The following NEURL1B variants were observed in gnomAD, a reference collection of about 807,000 sequenced individuals.
The protein encoded by NEURL1B is neuralized E3 ubiquitin protein ligase 1B, also known as E3 ubiquitin-protein ligase NEURL1B.
In NEURL1B, 13 loss-of-function variants were observed where a neutral mutation model predicts 37.4. The ratio of observed to expected loss-of-function variants is 0.35; its 90% CI spans 0.23 to 0.55. NEURL1B has a LOEUF of 0.55. Ranked by LOEUF, NEURL1B falls within the 20% of genes least tolerant of loss-of-function variation. The pLI is 0.89. For synonymous variants in NEURL1B, 432 were observed against 426.6 expected, an observed-to-expected ratio of 1.01 and a Z score of -0.16; for missense variants, 790 against 879.2, an observed-to-expected ratio of 0.90 and a Z score of 1.28.
At chr5:172,652,142 G>A (rs935453349) in intron 1 of NEURL1B, among the ~76,000 whole-genome samples, 5 of 152,382 alleles carry the variant, frequency 3.3e-5, no homozygotes, top group African/African-American at 9.6e-5. Flanking sequence ...GAGACACGAA[G>A]TGAACTTAGT....
chr5:172,666,932 A>T (rs1334553488), intron 1 of NEURL1B, among the ~76,000 whole-genome samples: 1 of 152,080 alleles, frequency 6.6e-6, no homozygotes, highest in East Asian at 1.9e-4. Flanking sequence ...CCCATCTGTA[A>T]AATGGGCTTG....
At position 172,686,202 on chromosome 5, in the gene NEURL1B, T is replaced by C. The variant is rs2113339416; in HGVS notation, c.1329T>C (p.Thr443=). The change falls in exon 4 of 5, where the codon ACT becomes ACC. Residue 443 remains threonine (T), a synonymous_variant. Transcript: ENST00000369800. This position sits in a 1 kb window ranked among gnomAD's most constrained non-coding sequence, Gnocchi z 7.9. ...GTLQSSPATT[T]PSGSLSGSQD... is the part of the protein sequence containing the mutation. Reference sequence around the variant, plus strand: ...TGCAGTCCAGCCCTGCGACCACGACTCCATCAGGGTCCCTCAGCGGCTCCC... The same window carrying C: ...TGCAGTCCAGCCCTGCGACCACGACCCCATCAGGGTCCCTCAGCGGCTCCC... 1.3e-6 allele frequency: 2 copies of C among 1,551,672 alleles called. No homozygotes were observed. The highest frequency in any genetic ancestry group is 4.9e-5 in the East Asian group (2 of 40,920).
Position 172,689,881 on chromosome 5 carries a change from A to G in NEURL1B, c.*2956A>G, listed in dbSNP as rs1185695176. 1.3e-5 allele frequency: 2 copies of G among 152,274 alleles called. No individual in the cohort carries two copies. The highest frequency in any genetic ancestry group is 2.9e-5 in the Non-Finnish European group (2 of 68,130). The allele number at this position is 152,274 out of a possible 1,614,324, so 9.4% of individuals were successfully genotyped here. On this transcript the variant is annotated 3_prime_UTR_variant, in exon 5 of 5. Coordinates refer to ENST00000369800, the MANE Select transcript of NEURL1B (RefSeq NM_001142651.3). ...CCAGGCTCATCTGCTCACTGCCCGC[A>G]TTCTCCTGGCAGAGCTGAGGTCTGA...
intron 2 of NEURL1B, among the ~76,000 whole-genome samples, chr5:172,674,846 A>C (rs112298086): frequency 6.6e-6 from 1 of 152,012 alleles, no homozygotes. Flanking sequence ...TCTTCTCCTG[A>C]CCAGGTAGGC....
At chr5:172,684,472 A>G (rs1268766948) in intron 3 of NEURL1B, among the ~76,000 whole-genome samples, 1 of 152,144 alleles carries the variant, frequency 6.6e-6, no homozygotes, top group Non-Finnish European at 1.5e-5. Context: ...CGAGCTTGGC[A>G]GGCTATATCC....
intron 1 of NEURL1B, among the ~76,000 whole-genome samples, chr5:172,659,029 TG>T (rs1757845536): frequency 2.0e-4 from 2 of 10,010 alleles, no homozygotes; most frequent in Admixed American, 8.0e-4. Flanking sequence ...CCACCACCCC[TG>T]CCCGCCCCCC....
rs1758425186 is a variant in NEURL1B, at chr5:172,683,965, G to C, written c.1124G>C (p.Gly375Ala). ...GAGTACTGGGTGGTGGCGCGCGCCG[G>C]GCCCGTGCCGAGCGGCGGCGACGCG... ...RKEYWVVARA[G>A]PVPSGGDALS... The change falls in exon 3 of 5, where the codon GGG becomes GCG. Residue 375 changes from glycine (G) to alanine (A), a missense_variant. Around this residue, in one of 3 missense-constraint regions of NEURL1B, gnomAD observed 460 missense variants for 407.4 expected, o/e 1.13. Coordinates refer to ENST00000369800, the MANE Select transcript of NEURL1B (RefSeq NM_001142651.3). This position sits in a 1 kb window ranked among gnomAD's most constrained non-coding sequence, Gnocchi z 5.6. The C allele has an allele frequency of 7.5e-7, 1 of 1,324,518 alleles. No homozygotes were observed. Among genetic ancestry groups the C allele is most frequent in the Non-Finnish European group, 9.7e-7 (1 of 1,034,512 alleles). The allele number at this position is 1,324,518 out of a possible 1,614,324, so 82.0% of individuals were successfully genotyped here.
intron 2 of NEURL1B, among the ~76,000 whole-genome samples, chr5:172,679,627 G>C (rs1302473459): frequency 6.6e-6 from 1 of 152,234 alleles, no homozygotes; most frequent in Non-Finnish European, 1.5e-5. Context: ...CTTCCACAAA[G>C]AATAAGTGAG....
chr5:172,663,743 C>G (rs1757948764), intron 1 of NEURL1B, among the ~76,000 whole-genome samples: 1 of 151,490 alleles, frequency 6.6e-6, no homozygotes, highest in South Asian at 2.1e-4. Flanking sequence ...CCAGCAGGGC[C>G]TTGGTCTTTC....
At chr5:172,642,232 T>C (rs1466071888) in intron 1 of NEURL1B, among the ~76,000 whole-genome samples, 1 of 152,208 alleles carries the variant, frequency 6.6e-6, no homozygotes, top group Non-Finnish European at 1.5e-5. Context: ...AGCTTCGCGA[T>C]AAAGATGTGT....
intron 2 of NEURL1B, among the ~76,000 whole-genome samples, chr5:172,682,245 T>G (rs1442291129): frequency 2.6e-5 from 4 of 152,248 alleles, no homozygotes; most frequent in Non-Finnish European, 5.9e-5. Context: ...CACTAAAAAG[T>G]ACTTTAAAAT....
rs769704066 is a variant in NEURL1B at position 172,676,237 on chromosome 5, C to T, written c.577+5907C>T. On this transcript the variant is annotated intron_variant, in intron 2 of 4. Transcript: ENST00000369800. This position sits in a 1 kb window ranked among gnomAD's most constrained non-coding sequence, Gnocchi z 4.5. ...GGTTGCCTTTAAGCCTGGCTCAATG[C>T]GGGGACCCAAAGAACTGCACCTGGA... is the stretch of plus-strand genomic sequence containing the variant. Among the ~76,000 whole-genome samples the T allele has an allele frequency of 2.0e-4, 31 of 151,946 alleles. No individual in the cohort carries two copies. Among genetic ancestry groups the T allele is most frequent in the East Asian group, 7.7e-4 (4 of 5,196 alleles).
intron 2 of NEURL1B, among the ~76,000 whole-genome samples, chr5:172,680,383 T>A (rs1157394936): frequency 6.8e-6 from 1 of 147,842 alleles, no homozygotes; most frequent in Non-Finnish European, 1.5e-5. Flanking sequence ...TGGGCTCCTG[T>A]GTGGAGCCGC....
chr5:172,655,920 G>A (rs562183687), intron 1 of NEURL1B, among the ~76,000 whole-genome samples: 11 of 152,256 alleles, frequency 7.2e-5, no homozygotes, highest in Non-Finnish European at 1.0e-4. Context: ...TTTCGGTGCC[G>A]CAAAAGGAAT....
At position 172,683,500 on chromosome 5, in the gene NEURL1B, A is replaced by G. The variant is rs1484206211; in HGVS notation, c.659A>G (p.Asp220Gly). The change falls in exon 3 of 5, where the codon GAC becomes GGC. Residue 220 changes from aspartate to glycine, a missense_variant. By Grantham distance (94) the Asp-to-Gly change is moderately conservative (BLOSUM62 -1). Transcript: ENST00000369800. This position sits in a 1 kb window ranked among gnomAD's most constrained non-coding sequence, Gnocchi z 5.6. ...GCCTGCCTGCCGCCCAGCAGCCACG[A>G]CGCGGCCAACTTCGACAACAACGAG... is the stretch of plus-strand genomic sequence containing the variant. ...FSACLPPSSH[D>G]AANFDNNELE... The G allele has an allele frequency of 6.7e-7, 1 of 1,503,256 alleles. No individual in the cohort carries two copies. The highest frequency in any genetic ancestry group is 2.7e-5 in the East Asian group (1 of 37,298). 93.1% of individuals were successfully genotyped at this position (1,503,256 alleles called of 1,614,324 possible).
At chr5:172,660,800 C>T (rs1387615035) in intron 1 of NEURL1B, among the ~76,000 whole-genome samples, 1 of 152,190 alleles carries the variant, frequency 6.6e-6, no homozygotes, top group Admixed American at 6.5e-5. Context: ...CCACTACACC[C>T]GACTAATGTT....
chr5:172,666,660 G>A (rs1758020734), intron 1 of NEURL1B, among the ~76,000 whole-genome samples: 1 of 152,216 alleles, frequency 6.6e-6, no homozygotes, highest in Admixed American at 6.5e-5. Context: ...TACTGGGCAG[G>A]CAGAAACAGC....
At chr5:172,653,823 C>T (rs1048429872) in intron 1 of NEURL1B, among the ~76,000 whole-genome samples, 4 of 152,150 alleles carry the variant, frequency 2.6e-5, no homozygotes, top group South Asian at 2.1e-4. Flanking sequence ...ACATTTCTTG[C>T]GTAAATTCCC....
chr5:172,659,710 T>C (rs764804100), intron 1 of NEURL1B, among the ~76,000 whole-genome samples: 6 of 152,054 alleles, frequency 3.9e-5, no homozygotes, highest in Non-Finnish European at 8.8e-5. Context: ...TTAAGACCCT[T>C]TGTGATACTG....
Sources: gnomAD v4.1 joint callset for allele counts (sites outside exome capture counted in the v4.1 genomes callset) on GRCh38, gnomAD v4.1.1 for gene constraint, gnomAD v4.1.1 regional missense constraint, Gnocchi (gnomAD v3.1) non-coding constraint, MANE v1.5 for transcripts, NCBI Gene and HGNC (gene_info 2026-07-23, HGNC 2026-07-21) for gene names.